ZDHHC15: variants seen among roughly 807,000 people sequenced by gnomAD.
ZDHHC15 encodes the protein zDHHC palmitoyltransferase 15, also known as palmitoyltransferase ZDHHC15.
A neutral mutation model predicts 31.7 loss-of-function variants in ZDHHC15; 19 were observed. The ratio of observed to expected loss-of-function variants is 0.60; its 90% CI spans 0.42 to 0.88. The LOEUF is 0.88. Ranked by LOEUF, ZDHHC15 falls within the 40% of genes least tolerant of loss-of-function variation. The pLI, the probability that ZDHHC15 is intolerant of heterozygous loss-of-function variation, is 0.00. For missense variants in ZDHHC15, 209 were observed against 251.2 expected (o/e 0.83, Z 1.14); for synonymous variants, 103 against 90.0 (o/e 1.14, Z -0.82).
At chrX:75,494,513 T>C (rs1344426918) in intron 2 of ZDHHC15, among the ~76,000 whole-genome samples, 4 of 111,607 alleles carry the variant, frequency 3.6e-5, no homozygotes, top group Non-Finnish European at 3.8e-5. Context: ...GGAGGCATCA[T>C]GCTACCTGAC....
At chrX:75,509,849 A>G (rs758543016) in intron 1 of ZDHHC15, among the ~76,000 whole-genome samples, 4 of 112,624 alleles carry the variant, frequency 3.6e-5, no homozygotes, top group Non-Finnish European at 7.5e-5. Flanking sequence ...GTTACATTTT[A>G]CAATAAGTTT....
chrX:75,438,916 T>C (rs973749093), intron 4 of ZDHHC15, among the ~76,000 whole-genome samples: 1 of 111,875 alleles, frequency 8.9e-6, no homozygotes, highest in Non-Finnish European at 1.9e-5. Context: ...ATTTATGAAG[T>C]TTTCTTTCGC....
chrX:75,453,347 C>T (rs766844197), intron 3 of ZDHHC15, among the ~76,000 whole-genome samples: 8 of 111,205 alleles, frequency 7.2e-5, no homozygotes, highest in African/African-American at 2.6e-4. Flanking sequence ...CAGGAAGAAG[C>T]TGAATCTCTG....
Position 75,487,286 on chromosome X carries a change from C to T in ZDHHC15, c.164-8301G>A, listed in dbSNP as rs182491095. Among the ~76,000 whole-genome samples, 405 of 112,496 alleles carry T rather than the reference C, an allele frequency of 3.6e-3. 3 individuals carry two copies. Among genetic ancestry groups the T allele is most frequent in the African/African-American group, 0.012 (387 of 30,981 alleles). Reference sequence around the variant, plus strand: ...CTTCCACAGAGTCCACTTCACTCCCCTGCCACCTCCAGTGGAGCAGGTGCT... The same window carrying T: ...CTTCCACAGAGTCCACTTCACTCCCTTGCCACCTCCAGTGGAGCAGGTGCT... On this transcript the variant is annotated intron_variant, in intron 2 of 11. Coordinates refer to ENST00000373367, the MANE Select transcript of ZDHHC15 (RefSeq NM_144969.3).
chrX:75,488,782 C>T (rs913915156), intron 2 of ZDHHC15, among the ~76,000 whole-genome samples: 11 of 111,694 alleles, frequency 9.8e-5, no homozygotes, highest in East Asian at 2.8e-4. Context: ...AAGCGCTAGC[C>T]GAAGCAGGGC....
At chrX:75,456,446 T>A (rs2084223790) in intron 3 of ZDHHC15, among the ~76,000 whole-genome samples, 1 of 110,718 alleles carries the variant, frequency 9.0e-6, no homozygotes, top group African/African-American at 3.3e-5. Flanking sequence ...GGCACATATA[T>A]ACATATGTAA....
At chrX:75,477,544 T>C (rs908462931) in intron 3 of ZDHHC15, among the ~76,000 whole-genome samples, 6 of 111,921 alleles carry the variant, frequency 5.4e-5, no homozygotes, top group African/African-American at 9.7e-5. Flanking sequence ...GCTCTCTTAT[T>C]ACACACATAT....
intron 3 of ZDHHC15, among the ~76,000 whole-genome samples, chrX:75,456,876 C>A (rs1160820562): frequency 4.5e-5 from 5 of 111,150 alleles, no homozygotes; most frequent in Non-Finnish European, 1.9e-5. Context: ...AGGTTCAAGT[C>A]CCAACCACTT....
intron 10 of ZDHHC15, among the ~76,000 whole-genome samples, chrX:75,400,107 A>G (rs770826823): frequency 6.3e-5 from 7 of 111,630 alleles, no homozygotes; most frequent in East Asian, 2.8e-4. Context: ...ACTTCTCCCA[A>G]AAGAGTGTTT....
intron 4 of ZDHHC15, among the ~76,000 whole-genome samples, chrX:75,448,209 C>A (rs1281267724): frequency 8.9e-6 from 1 of 112,385 alleles, no homozygotes; most frequent in East Asian, 2.8e-4. Context: ...AAAACCACAA[C>A]AATCCAATTC....
chrX:75,508,399 G>T (rs887805963), intron 1 of ZDHHC15, among the ~76,000 whole-genome samples: 7 of 101,106 alleles, frequency 6.9e-5, no homozygotes, highest in African/African-American at 2.6e-4. Flanking sequence ...TGCAGTGTTT[G>T]GTTTTTTTTG....
intron 10 of ZDHHC15, among the ~76,000 whole-genome samples, chrX:75,408,586 A>G (rs1327992126): frequency 8.9e-6 from 1 of 112,222 alleles, no homozygotes; most frequent in East Asian, 2.8e-4. Context: ...ACATAATACT[A>G]GAAATCCTGG....
intron 10 of ZDHHC15, among the ~76,000 whole-genome samples, chrX:75,394,291 AAAAAC>A (rs1319725934): frequency 1.8e-5 from 2 of 111,840 alleles, no homozygotes; most frequent in African/African-American, 3.2e-5. Flanking sequence ...AAACAAAAAC[AAAAAC>A]AAAACAAAAC....
intron 1 of ZDHHC15, among the ~76,000 whole-genome samples, chrX:75,519,127 G>A (rs1395548143): frequency 1.8e-5 from 2 of 109,757 alleles, no homozygotes; most frequent in African/African-American, 6.6e-5. Flanking sequence ...ACTACATAGA[G>A]GTGATGGCTG....
intron 9 of ZDHHC15, among the ~76,000 whole-genome samples, chrX:75,419,592 T>A (rs1405486596): frequency 9.0e-6 from 1 of 110,985 alleles, no homozygotes; most frequent in South Asian, 3.8e-4. Context: ...AGCCATCCCA[T>A]TACTGGGTAT....
intron 10 of ZDHHC15, among the ~76,000 whole-genome samples, chrX:75,389,421 C>A (rs1231478914): frequency 9.1e-6 from 1 of 109,340 alleles, no homozygotes; most frequent in Non-Finnish European, 1.9e-5. Context: ...CAACGTCAGG[C>A]AGTGCAGCTT....
At chrX:75,494,999 C>T (rs1156446731) in intron 2 of ZDHHC15, among the ~76,000 whole-genome samples, 1 of 111,539 alleles carries the variant, frequency 9.0e-6, no homozygotes, top group Admixed American at 9.5e-5. Flanking sequence ...AACAGGCAAC[C>T]TACAGAATGG....
intron 4 of ZDHHC15, among the ~76,000 whole-genome samples, chrX:75,436,970 C>T (rs183654039): frequency 0.014 from 1,611 of 111,951 alleles, 30 homozygotes; most frequent in African/African-American, 0.05. Flanking sequence ...CAAGCTCTGC[C>T]TCCTGGGTTC....
intron 2 of ZDHHC15, among the ~76,000 whole-genome samples, chrX:75,495,380 T>C (rs1262231220): frequency 9.0e-6 from 1 of 111,559 alleles, no homozygotes; most frequent in African/African-American, 3.3e-5. Context: ...TGGCGATTCC[T>C]CAGGGATCTA....
Sources: gnomAD v4.1 joint callset for allele counts (sites outside exome capture counted in the v4.1 genomes callset) on GRCh38, gnomAD v4.1.1 for gene constraint, MANE v1.5 for transcripts, NCBI Gene and HGNC (gene_info 2026-07-23, HGNC 2026-07-21) for gene names.